The following DPP4 variants were observed in gnomAD, a reference collection of about 807,000 sequenced individuals.
DPP4 encodes the protein ADCP-2.
Under a neutral mutation model 122.4 loss-of-function variants are expected in DPP4, and 93 were observed. The observed-to-expected ratio is 0.76, with a 90% CI of 0.64 to 0.90. The LOEUF is 0.90. Among genes scored for constraint, DPP4 ranks in the 40% least tolerant of loss-of-function variants. DPP4 has a pLI of 0.00. For synonymous variants in DPP4, 321 were observed against 302.9 expected, an observed-to-expected ratio of 1.06 and a Z score of -0.62; for missense variants, 914 against 907.3, an observed-to-expected ratio of 1.01 and a Z score of -0.09.
In DPP4 at chr2:162,046,918, T is replaced by C; in HGVS notation, c.282A>G (p.Thr94=). 1.3e-6 allele frequency: 2 copies of C among 1,566,958 alleles called. No homozygotes were observed. Among genetic ancestry groups the C allele is most frequent in the Non-Finnish European group, 1.8e-6 (2 of 1,137,388 alleles). The change falls in exon 4 of 26, where the codon ACA becomes ACG. Residue 94 remains threonine (T), a synonymous_variant. Transcript: ENST00000360534. The part of the protein sequence containing the change: ...GNSSVFLENS[T]FDEFGHSIND... ...TTAATTACGTGATTAAACATACAAA[T>C]GTACTGTTCTCCAAGAAAACTGAGC... is the stretch of plus-strand genomic sequence containing the variant.
At chr2:162,056,446 G>A (rs1559724608) in intron 2 of DPP4, among the ~76,000 whole-genome samples, 2 of 152,290 alleles carry the variant, frequency 1.3e-5, no homozygotes, top group South Asian at 2.1e-4. Context: ...TGTAGGAAGA[G>A]GAGTGAGCTT....
intron 2 of DPP4, among the ~76,000 whole-genome samples, chr2:162,059,301 G>T (rs1349910039): frequency 1.3e-5 from 2 of 151,952 alleles, no homozygotes; most frequent in African/African-American, 2.4e-5. Context: ...ACTTTTCTGG[G>T]AATAAACAAG....
chr2:161,998,072 C>G (rs1253827721), intron 23 of DPP4, among the ~76,000 whole-genome samples: 1 of 152,206 alleles, frequency 6.6e-6, no homozygotes, highest in Non-Finnish European at 1.5e-5. Flanking sequence ...TCAGACTGCA[C>G]TAATCAGAAG....
In DPP4 at chr2:162,039,202, C is replaced by T; in HGVS notation, c.367-18G>A. The T allele has an allele frequency of 4.3e-6, 7 of 1,610,760 alleles. No individual in the cohort carries two copies. The highest frequency in any genetic ancestry group is 5.9e-6 in the Non-Finnish European group (7 of 1,178,410). On this transcript the variant is annotated intron_variant, in intron 5 of 25. Coordinates refer to ENST00000360534, the MANE Select transcript of DPP4 (RefSeq NM_001935.4). The stretch of plus-strand genomic sequence containing the variant: ...CTCCATTGCTATGAAAGAAAACAGA[C>T]ATTTCAGGCTTCTGTGATACTTGAT...
intron 18 of DPP4, among the ~76,000 whole-genome samples, chr2:162,015,119 C>T (rs1210192232): frequency 6.6e-6 from 1 of 152,070 alleles, no homozygotes; most frequent in African/African-American, 2.4e-5. Context: ...CAGTTTCCTT[C>T]GTTCCCAAAT....
Position 162,073,907 on chromosome 2 carries a change from G to A in DPP4, c.6+69C>T. 6.3e-6 allele frequency: 10 copies of A among 1,593,734 alleles called. No homozygotes were observed. The South Asian group carries it at 1.1e-4, about 18-fold the overall frequency. On this transcript the variant is annotated intron_variant, in intron 1 of 25. Coordinates refer to ENST00000360534, the MANE Select transcript of DPP4 (RefSeq NM_001935.4). ...CTGGTCCGGTTTCGCCAGCTTTTGG[G>A]CCATTTGGGGAGTTTGGCGAAGAGG...
At chr2:162,020,149 G>T in intron 14 of DPP4, 80 bp downstream of exon 14, 1 of 1,217,290 alleles carries the variant, frequency 8.2e-7, no homozygotes, top group East Asian at 2.3e-5. Context: ...ATTTGTAGGA[G>T]ATTTTTTCCC....
rs765128676 is a variant in DPP4, at chr2:162,020,348, C to G, written c.1177-52G>C. On this transcript the variant is annotated intron_variant, in intron 13 of 25. Coordinates refer to ENST00000360534, the MANE Select transcript of DPP4 (RefSeq NM_001935.4). ...AAAAAAAAAAGATTGATTAGAGACT[C>G]TCTCTGTTCAAAGTGGAGGATTAAA... The G allele has an allele frequency of 5.5e-6, 7 of 1,277,566 alleles. No individual in the cohort carries two copies. In the South Asian group the frequency reaches 6.6e-5, roughly 12 times the overall value. The allele number at this position is 1,277,566 out of a possible 1,614,324, so 79.1% of individuals were successfully genotyped here. A position where few individuals can be genotyped will look rare whatever the true frequency, so the allele number is the denominator to read the frequency against.
At chr2:162,067,851 A>G (rs1489071000) in intron 2 of DPP4, among the ~76,000 whole-genome samples, 1 of 152,202 alleles carries the variant, frequency 6.6e-6, no homozygotes, top group Non-Finnish European at 1.5e-5. Flanking sequence ...ATTAACTCAG[A>G]AAAACTCTCA....
intron 20 of DPP4, among the ~76,000 whole-genome samples, chr2:162,009,513 TTGTG>T (rs57878632): frequency 0.092 from 13,327 of 144,290 alleles, 992 homozygotes; most frequent in East Asian, 0.25. Flanking sequence ...TTCATAAAAA[TTGTG>T]TGTGTGTGTG....
chr2:162,005,837 G>A (rs754284637), intron 22 of DPP4, 28 bp from the exon 23 acceptor site: 7 of 1,587,900 alleles, frequency 4.4e-6, no homozygotes, highest in African/African-American at 1.4e-5. Flanking sequence ...ATAAAAAAAA[G>A]TTTAATTCAT....
intron 5 of DPP4, 101 bp downstream of exon 5, chr2:162,045,431 A>T: frequency 1.2e-6 from 1 of 818,212 alleles, no homozygotes; most frequent in Non-Finnish European, 2.1e-6. Flanking sequence ...CTATTACATT[A>T]CTTAGATATT....
intron 2 of DPP4, among the ~76,000 whole-genome samples, chr2:162,060,774 C>T (rs1684739436): frequency 6.6e-6 from 1 of 152,164 alleles, no homozygotes; most frequent in Non-Finnish European, 1.5e-5. Context: ...GATCATTCCA[C>T]ACCCCAATCT....
At chr2:162,034,316 T>C (rs958473274) in intron 9 of DPP4, among the ~76,000 whole-genome samples, 1 of 152,188 alleles carries the variant, frequency 6.6e-6, no homozygotes, top group Admixed American at 6.5e-5. Flanking sequence ...TTTTTTTGTA[T>C]GTGCCAGTTT....
chr2:162,008,690 G>A, intron 21 of DPP4, 29 bp from the exon 22 acceptor site: 1 of 1,581,732 alleles, frequency 6.3e-7, no homozygotes, highest in Non-Finnish European at 8.7e-7. Flanking sequence ...TATTTTTATG[G>A]AGGTAAAAGA....
intron 16 of DPP4, among the ~76,000 whole-genome samples, chr2:162,017,831 G>T (rs1056964054): frequency 6.6e-6 from 1 of 152,168 alleles, no homozygotes; most frequent in Admixed American, 6.5e-5. Flanking sequence ...ATTAGAAAGA[G>T]TGAAGGCACT....
intron 5 of DPP4, among the ~76,000 whole-genome samples, chr2:162,043,977 A>G (rs1350266744): frequency 2.6e-5 from 4 of 152,130 alleles, no homozygotes; most frequent in African/African-American, 9.7e-5. Flanking sequence ...GCAGTGAGCC[A>G]TGATCATACC....
intron 5 of DPP4, among the ~76,000 whole-genome samples, chr2:162,040,527 A>G (rs1416796748): frequency 6.6e-6 from 1 of 152,064 alleles, no homozygotes; most frequent in Non-Finnish European, 1.5e-5. Flanking sequence ...GAGAGAGTAA[A>G]GAGATTGGTG....
intron 2 of DPP4, among the ~76,000 whole-genome samples, chr2:162,054,448 G>A (rs138518774): frequency 2.3e-3 from 351 of 152,302 alleles, no homozygotes; most frequent in African/African-American, 6.8e-3. Context: ...TTTTGCGTAC[G>A]AAAAGCACAT....
Sources: allele counts gnomAD v4.1 joint callset (sites outside exome capture counted in the v4.1 genomes callset), GRCh38; gene constraint gnomAD v4.1.1; transcripts MANE v1.5; gene names NCBI Gene and HGNC (gene_info 2026-07-23, HGNC 2026-07-21).